SEPTIN7: variants seen among roughly 807,000 people sequenced by gnomAD.
SEPTIN7 encodes septin-7.
In SEPTIN7, 10 loss-of-function variants were observed where a neutral mutation model predicts 63.3. The observed-to-expected ratio is 0.16, with a 90% CI of 0.10 to 0.27. The LOEUF is 0.27. Among genes scored for constraint, SEPTIN7 ranks in the 10% least tolerant of loss-of-function variants. SEPTIN7 has a pLI of 1.00. For missense variants in SEPTIN7, 310 were observed against 521.0 expected (o/e 0.59, Z 3.94); for synonymous variants, 131 against 165.3 (o/e 0.79, Z 1.59).
In SEPTIN7 at chr7:35,907,067, AC is replaced by A. The variant is rs1184275435; in HGVS notation, c.*2775del. The A allele has an allele frequency of 6.6e-6, 1 of 152,250 alleles. No individual in the cohort carries two copies. Among genetic ancestry groups the A allele is most frequent in the Non-Finnish European group, 1.5e-5 (1 of 68,038 alleles). 9.4% of individuals were successfully genotyped at this position (152,250 alleles called of 1,614,324 possible). A position where few individuals can be genotyped will look rare whatever the true frequency, so the allele number is the denominator to read the frequency against. ...GCTACACTAATGTGAACATTATGGA[AC>A]AAAATTTGAAAGAGTGAAATAAAAG... On this transcript the variant is annotated 3_prime_UTR_variant, in exon 14 of 14. Coordinates refer to ENST00000350320, the MANE Select transcript of SEPTIN7 (RefSeq NM_001788.6).
chr7:35,914,237 T>A, the SEPTIN7 span, among the ~76,000 whole-genome samples: 2 of 152,360 alleles, frequency 1.3e-5, no homozygotes, highest in East Asian at 1.9e-4. Flanking sequence ...TTTAATTATA[T>A]AGGAATGTTT....
chr7:35,835,068 A>G (rs1018380830), intron 3 of SEPTIN7, among the ~76,000 whole-genome samples: 4 of 152,238 alleles, frequency 2.6e-5, no homozygotes, highest in African/African-American at 9.6e-5. Context: ...ACTTATTTGT[A>G]TCAAAGAAGC....
chr7:35,811,085 G>A (rs1788678765), intron 1 of SEPTIN7, among the ~76,000 whole-genome samples: 1 of 151,990 alleles, frequency 6.6e-6, no homozygotes, highest in South Asian at 2.1e-4. Context: ...TTTCTTTTGA[G>A]GAAGATTTTG....
Position 35,901,071 on chromosome 7 carries a change from A to G in SEPTIN7, c.1135-2005A>G, listed in dbSNP as rs375192358. 3 of 152,298 alleles carry G rather than the reference A, an allele frequency of 2.0e-5. No individual in the cohort carries two copies. The South Asian group carries it at 6.2e-4, about 32-fold the overall frequency. 9.4% of individuals were successfully genotyped at this position (152,298 alleles called of 1,614,324 possible). ...AAAGAAACCCTTTTAGCCTTGTTTAATACAGTCTCTCCTTAAATCCATTAT... is the reference window on the plus strand; with the variant it reads ...AAAGAAACCCTTTTAGCCTTGTTTAGTACAGTCTCTCCTTAAATCCATTAT... On this transcript the variant is annotated intron_variant, in intron 12 of 13. Coordinates refer to ENST00000350320, the MANE Select transcript of SEPTIN7 (RefSeq NM_001788.6).
intron 13 of SEPTIN7, 44 bp from the exon 14 acceptor site, chr7:35,904,210 A>T: frequency 1.4e-6 from 2 of 1,437,186 alleles, no homozygotes. Context: ...TATCATGTTT[A>T]TAAAATGGTT....
chr7:35,829,419 C>G (rs1171418093), intron 1 of SEPTIN7, among the ~76,000 whole-genome samples: 1 of 152,078 alleles, frequency 6.6e-6, no homozygotes, highest in African/African-American at 2.4e-5. Flanking sequence ...CTTGGAAATA[C>G]CAAGTTCATC....
rs757939305 is a variant in SEPTIN7, at chr7:35,872,648, C to T, written c.277-18C>T. The T allele has an allele frequency of 3.3e-5, 52 of 1,568,998 alleles. 3 individuals are homozygous for T. The South Asian group carries it at 5.6e-4, about 17-fold the overall frequency. On this transcript the variant is annotated intron_variant, in intron 4 of 13. Transcript: ENST00000350320. ...ATGTAATGTATGATATTAACATCTG[C>T]ACCAATTACTCTTACAGGTGGAACA...
At chr7:35,911,480 TTGCAGAACA>T (rs1169273806), downstream of SEPTIN7, among the ~76,000 whole-genome samples, 4 of 152,222 alleles carry the variant, frequency 2.6e-5, no homozygotes, top group African/African-American at 9.6e-5. Flanking sequence ...GAAGATTGCA[TTGCAGAACA>T]TGCAGAGATG....
chr7:35,899,273 G>A (rs1788155193), intron 12 of SEPTIN7: 2 of 152,142 alleles, frequency 1.3e-5, no homozygotes, highest in African/African-American at 4.8e-5. Context: ...GGTGGCTCAT[G>A]CCTGTAACGC....
At position 35,806,561 on chromosome 7, in the gene SEPTIN7, AT is replaced by A. The variant is rs1788353094; in HGVS notation, c.61+5292del. The stretch of plus-strand genomic sequence containing the variant: ...TTATTGTATGCTTTCATAGAAAAAA[AT>A]ACGTGGATTTTAAGTATTTAGTTCA... On this transcript the variant is annotated intron_variant, in intron 1 of 13. Transcript: ENST00000350320. Among the ~76,000 whole-genome samples, 4 of 152,316 alleles carry A rather than the reference AT, an allele frequency of 2.6e-5. No homozygotes were observed. The South Asian group carries it at 8.3e-4, about 32-fold the overall frequency.
chr7:35,903,085 C>A lies in SEPTIN7; in HGVS notation c.1144C>A (p.Arg382Ser). The change falls in exon 13 of 14, where the codon CGC (arginine) becomes AGC (serine). Residue 382 changes from arginine (R) to serine (S), a missense_variant. Arg to Ser is a moderately radical substitution (Grantham distance 110, BLOSUM62 -1). Transcript: ENST00000350320. ...LKDSEAELQRRHEQMKKNLEA... is the reference protein window; with the variant it reads ...LKDSEAELQRSHEQMKKNLEA... ...TTGTGCTATGATTTAGCTCCAGCGG[C>A]GCCATGAGCAAATGAAAAAGAATTT... The A allele has an allele frequency of 6.5e-7, 1 of 1,545,328 alleles. No individual in the cohort carries two copies. Among genetic ancestry groups the A allele is most frequent in the Non-Finnish European group, 8.7e-7 (1 of 1,147,136 alleles).
chr7:35,893,678 A>G (rs1228795967), intron 11 of SEPTIN7, among the ~76,000 whole-genome samples: 1 of 152,194 alleles, frequency 6.6e-6, no homozygotes, highest in Non-Finnish European at 1.5e-5. Flanking sequence ...TTTTGGGCAC[A>G]CTGTAGAGTC....
At chr7:35,812,696 C>T (rs975648215) in intron 1 of SEPTIN7, among the ~76,000 whole-genome samples, 15 of 152,152 alleles carry the variant, frequency 9.9e-5, no homozygotes, top group East Asian at 5.8e-4. Flanking sequence ...CTTTTTCCCC[C>T]GTAGGGTAGT....
At chr7:35,892,734 G>T (rs1787723234) in intron 11 of SEPTIN7, among the ~76,000 whole-genome samples, 1 of 150,500 alleles carries the variant, frequency 6.6e-6, no homozygotes, top group Admixed American at 6.6e-5. Context: ...TCTACTGTGT[G>T]GATACATGAG....
At chr7:35,816,120 C>A (rs376412523) in intron 1 of SEPTIN7, among the ~76,000 whole-genome samples, 1 of 152,060 alleles carries the variant, frequency 6.6e-6, no homozygotes, top group Non-Finnish European at 1.5e-5. Context: ...CCCTTGAAAG[C>A]GTGATTTTGT....
chr7:35,822,552 A>G (rs1232766698), intron 1 of SEPTIN7, among the ~76,000 whole-genome samples: 1 of 152,102 alleles, frequency 6.6e-6, no homozygotes, highest in Admixed American at 6.5e-5. Context: ...GACAGGTGCC[A>G]GAGCTCAGGC....
rs1788494002 is a variant in SEPTIN7, at chr7:35,904,310, C to T, written c.*17C>T. 1 of 1,547,956 alleles carries T rather than the reference C, an allele frequency of 6.5e-7. No homozygotes were observed. Among genetic ancestry groups the T allele is most frequent in the East Asian group, 2.4e-5 (1 of 42,388 alleles). ...ATCTTTTAAACTCTCTATTGACCAC[C>T]AGTTAACGTATTAGTTGCCAATATG... On this transcript the variant is annotated 3_prime_UTR_variant, in exon 14 of 14. Coordinates refer to ENST00000350320, the MANE Select transcript of SEPTIN7 (RefSeq NM_001788.6).
At chr7:35,826,661 T>C (rs1305937253) in intron 1 of SEPTIN7, among the ~76,000 whole-genome samples, 3 of 152,058 alleles carry the variant, frequency 2.0e-5, no homozygotes, top group African/African-American at 4.8e-5. Flanking sequence ...TAGGGTTGTT[T>C]TTCTCAAATT....
At chr7:35,829,357 G>T (rs753280492) in intron 1 of SEPTIN7, among the ~76,000 whole-genome samples, 2 of 151,868 alleles carry the variant, frequency 1.3e-5, no homozygotes, top group East Asian at 3.9e-4. Context: ...GCCCAGGCTG[G>T]TCTCAAACTC....
Sources: allele counts gnomAD v4.1 joint callset (sites outside exome capture counted in the v4.1 genomes callset), GRCh38; gene constraint gnomAD v4.1.1; transcripts MANE v1.5; gene names NCBI Gene and HGNC (gene_info 2026-07-23, HGNC 2026-07-21).